Variants in OBSL1 observed in about 807,000 individuals in gnomAD.
OBSL1 encodes obscurin like cytoskeletal adaptor 1, also known as obscurin-like protein 1.
In OBSL1, 160 loss-of-function variants were observed where a neutral mutation model predicts 172.0. The ratio of observed to expected loss-of-function variants is 0.93; its 90% CI spans 0.82 to 1.06. The LOEUF is 1.06. OBSL1 is among the 50% of genes least tolerant of loss of function. The probability of loss-of-function intolerance (pLI) is 0.00; values close to 1 mark genes in which losing one functional copy is unlikely to be tolerated. For missense variants in OBSL1, 2,681 were observed against 2,715.4 expected, an observed-to-expected ratio of 0.99 and a Z score of 0.28; for synonymous variants, 1,200 against 1,196.3, an observed-to-expected ratio of 1.00 and a Z score of -0.06.
At chr2:219,565,151 C>G in intron 6 of OBSL1, 91 bp downstream of exon 6, 3 of 1,372,154 alleles carry the variant, frequency 2.2e-6, no homozygotes, top group Non-Finnish European at 2.9e-6. Flanking sequence ...GTAAAGGACT[C>G]CCCCAAGTAG....
chr2:219,558,476 G>C lies in OBSL1; in HGVS notation c.3227-17C>G. On this transcript the variant is annotated splice_polypyrimidine_tract_variant and intron_variant, in intron 9 of 20. Coordinates refer to ENST00000404537, the MANE Select transcript of OBSL1 (RefSeq NM_015311.3). ...CTGGTGGGGCTGGTGGGTGGGCATGGAGAGGGGCACATAGGCTTGGCCAGC... is the reference window on the plus strand; with the variant it reads ...CTGGTGGGGCTGGTGGGTGGGCATGCAGAGGGGCACATAGGCTTGGCCAGC... 1 of 1,553,230 alleles carries C rather than the reference G, an allele frequency of 6.4e-7. No individual in the cohort carries two copies. The highest frequency in any genetic ancestry group is 8.7e-7 in the Non-Finnish European group (1 of 1,151,340).
Position 219,570,509 on chromosome 2 carries a change from C to CG in OBSL1, c.723dup (p.Ala242ArgfsTer12). ...CACTTGAGCGGCTCCACCACCGGCG[C>CG]GGGGGCCTCGTCGGGGTCCGCGGGC... is the stretch of plus-strand genomic sequence containing the variant. On this transcript the variant is annotated frameshift_variant, in exon 1 of 21. Coordinates refer to ENST00000404537, the MANE Select transcript of OBSL1 (RefSeq NM_015311.3). LOFTEE classifies it high-confidence loss of function. 1 of 1,610,728 alleles carries CG rather than the reference C, an allele frequency of 6.2e-7. No homozygotes were observed. Among genetic ancestry groups the CG allele is most frequent in the Non-Finnish European group, 8.5e-7 (1 of 1,178,876 alleles).
downstream of OBSL1, chr2:219,549,474 G>A (rs147534498): frequency 2.4e-5 from 32 of 1,327,856 alleles, 1 homozygote; most frequent in East Asian, 8.0e-4. Context: ...TCCATGAACT[G>A]TTTGTCCATG....
Position 219,571,462 on chromosome 2 carries a change from G to T in OBSL1, c.-230C>A, listed in dbSNP as rs1266261428. 6 of 303,318 alleles carry T rather than the reference G, an allele frequency of 2.0e-5. No homozygotes were observed. The highest frequency in any genetic ancestry group is 1.5e-4 in the South Asian group (1 of 6,742). 18.8% of individuals were successfully genotyped at this position (303,318 alleles called of 1,614,324 possible). A position where few individuals can be genotyped will look rare whatever the true frequency, so the allele number is the denominator to read the frequency against. ...TCCCGGGCCCGAAGCCTGGCGCTCA[G>T]GGGGCAGTCCTTCCTGTTTGCCTCT... On this transcript the variant is annotated 5_prime_UTR_variant, in exon 1 of 21. In the 5' UTR this introduces an upstream ATG that the reference lacks. Coordinates refer to ENST00000404537, the MANE Select transcript of OBSL1 (RefSeq NM_015311.3).
chr2:219,548,121 G>A (rs750724556), downstream of OBSL1: 19 of 1,470,450 alleles, frequency 1.3e-5, no homozygotes, highest in Middle Eastern at 4.8e-4. Context: ...AGAGGAGTGG[G>A]TGGCCAGGGA....
chr2:219,555,612 G>A, intron 14 of OBSL1: 1 of 1,015,158 alleles, frequency 9.9e-7, no homozygotes, highest in Non-Finnish European at 1.2e-6. Flanking sequence ...TTGGCTCAAA[G>A]AGGTTAACTT....
At position 219,567,047 on chromosome 2, in the gene OBSL1, G is replaced by C. The variant is rs369959098; in HGVS notation, c.1917C>G (p.Leu639=). ...DGEDAVFSLD[L]STIIQGTWFL... The stretch of plus-strand genomic sequence containing the variant: ...ACCAGGTACCCTGGATGATGGTGGA[G>C]AGATCGAGGGAGAAGACGGCATCTT... Residue 639 remains leucine (L), a synonymous_variant, in exon 5 of 21, where the codon CTC becomes CTG. Transcript: ENST00000404537. 2.5e-6 allele frequency: 4 copies of C among 1,613,280 alleles called. No homozygotes were observed. The highest frequency in any genetic ancestry group is 3.4e-6 in the Non-Finnish European group (4 of 1,179,808).
chr2:219,550,429 T>G (rs926470993), downstream of OBSL1: 2 of 198,748 alleles, frequency 1.0e-5, no homozygotes, highest in Non-Finnish European at 2.0e-5. Flanking sequence ...GGTGGGGGGG[T>G]GCTGCTCTGG....
downstream of OBSL1, chr2:219,549,694 C>A: frequency 6.2e-7 from 1 of 1,611,692 alleles, no homozygotes; most frequent in South Asian, 1.1e-5. Context: ...GTGGGACTCA[C>A]ACCTATGTTT....
At position 219,568,259 on chromosome 2, in the gene OBSL1, GCACGGCAATCCCGTGCT is replaced by G. The variant is rs1202377102; in HGVS notation, c.1061_1077del (p.Glu354AlafsTer4). 1.9e-6 allele frequency: 3 copies of G among 1,612,352 alleles called. No homozygotes were observed. The highest frequency in any genetic ancestry group is 1.7e-5 in the Admixed American group (1 of 59,838). On this transcript the variant is annotated frameshift_variant, in exon 2 of 21. Coordinates refer to ENST00000404537, the MANE Select transcript of OBSL1 (RefSeq NM_015311.3). LOFTEE classifies it high-confidence loss of function. The surrounding 1 kb of genome is among the most constrained non-coding windows in gnomAD (Gnocchi z 4.1). The stretch of plus-strand genomic sequence containing the variant: ...CGGGAGTTGGGTACTTTACATTCCA[GCACGGCAATCCCGTGCT>G]CACGGCCCTCCACGTCCTGCAGGGG...
intron 11 of OBSL1, 39 bp downstream of exon 11, chr2:219,557,766 GGGTGCCACTCTCAGGCTT>G (rs1374649212): frequency 1.6e-5 from 25 of 1,558,740 alleles, no homozygotes; most frequent in African/African-American, 4.1e-5. Flanking sequence ...GCAGAGTTTG[GGGTGCCACTCTCAGGCTT>G]GGTGCCACTC....
At position 219,552,696 on chromosome 2, in the gene OBSL1, C is replaced by A. The variant is rs895515124; in HGVS notation, c.5148G>T (p.Glu1716Asp). Reference sequence around the variant, plus strand: ...GCTCGGAGAGTACCGCCACAGTACGCTCTGGGGCGGAGCCCGGGGCGTGAG... The same window carrying A: ...GCTCGGAGAGTACCGCCACAGTACGATCTGGGGCGGAGCCCGGGGCGTGAG... The part of the protein sequence containing the change: ...RAGPVRLTVR[E>D]RTVAVLSELR... Residue 1716 changes from glutamate to aspartate, a missense_variant and splice_region_variant, in exon 18 of 21, where the codon GAG becomes GAT. Around this residue, in one of 5 missense-constraint regions of OBSL1, gnomAD observed 1,765 missense variants for 1,748.3 expected, o/e 1.01. Coordinates refer to ENST00000404537, the MANE Select transcript of OBSL1 (RefSeq NM_015311.3). 6.6e-7 allele frequency: 1 copy of A among 1,522,614 alleles called. No individual in the cohort carries two copies. The allele number at this position is 1,522,614 out of a possible 1,614,324, so 94.3% of individuals were successfully genotyped here.
In OBSL1 at chr2:219,551,555, C is replaced by T. The variant is rs886055656; in HGVS notation, c.5657G>A (p.Ser1886Asn). 4 of 1,599,072 alleles carry T rather than the reference C, an allele frequency of 2.5e-6. No homozygotes were observed. Among genetic ancestry groups the T allele is most frequent in the Non-Finnish European group, 3.4e-6 (4 of 1,173,080 alleles). ...GTYCCQAGQD[S>N]THTRLLVEGN ...CTCTACCAGCAGCCGTGTGTGGGTGCTGTCCTGGCCGGCCTGGCAGCAGTA... is the reference window on the plus strand; with the variant it reads ...CTCTACCAGCAGCCGTGTGTGGGTGTTGTCCTGGCCGGCCTGGCAGCAGTA... The change falls in exon 20 of 21, where the codon AGC (serine) becomes AAC (asparagine). Residue 1886 changes from serine (S) to asparagine (N), a missense_variant. Physicochemically the swap from Ser to Asn is conservative, Grantham distance 46 (BLOSUM62 1). Around this residue, in one of 5 missense-constraint regions of OBSL1, gnomAD observed 1,765 missense variants for 1,748.3 expected, o/e 1.01. Coordinates refer to ENST00000404537, the MANE Select transcript of OBSL1 (RefSeq NM_015311.3).
chr2:219,556,101 G>C lies in OBSL1; in HGVS notation c.4528C>G (p.His1510Asp). 4 of 1,613,974 alleles carry C rather than the reference G, an allele frequency of 2.5e-6. No homozygotes were observed. Among genetic ancestry groups the C allele is most frequent in the Non-Finnish European group, 3.4e-6 (4 of 1,179,908 alleles). ...CCCTGGTCGGCCAGTATGACACCAT[G>C]GATGAAGAGGCGGTGGATGTGCCCA... ...QDGHIHRLFI[H>D]GVILADQGTY... The change falls in exon 14 of 21, where the codon CAT (histidine) becomes GAT (aspartate). Residue 1510 changes from histidine to aspartate, a missense_variant. This residue lies in a region of OBSL1 where 1,765 missense variants were observed against 1,748.3 expected (regional missense o/e 1.01). Transcript: ENST00000404537.
rs774207198 is a variant in OBSL1, at chr2:219,558,224, C to G, written c.3462G>C (p.Glu1154Asp). The stretch of plus-strand genomic sequence containing the variant: ...TGAAGGTGATGGCCTCATGCCGGGT[C>G]TCACACACATACTCCCCGGCGTCCT... ...QPEDAGEYVC[E>D]TRHEAITFNV... The change falls in exon 10 of 21, where the codon GAG becomes GAC. Residue 1154 changes from glutamate (E) to aspartate (D), a missense_variant. Around this residue, in one of 5 missense-constraint regions of OBSL1, gnomAD observed 1,765 missense variants for 1,748.3 expected, o/e 1.01. Transcript: ENST00000404537. 1 of 1,610,096 alleles carries G rather than the reference C, an allele frequency of 6.2e-7. No homozygotes were observed.
Position 219,566,946 on chromosome 2 carries a change from T to C in OBSL1, c.2018A>G (p.Glu673Gly). 1 of 1,613,790 alleles carries C rather than the reference T, an allele frequency of 6.2e-7. No individual in the cohort carries two copies. The highest frequency in any genetic ancestry group is 8.5e-7 in the Non-Finnish European group (1 of 1,179,862). ...VEPGALRYRI[E>G]QKGLQHRLIL... The stretch of plus-strand genomic sequence containing the variant: ...GAGTCTGTGCTGCAGACCCTTCTGC[T>C]CTATACGGTACCGCAGGGCCCCAGG... Residue 673 changes from glutamate to glycine, a missense_variant, in exon 5 of 21, where the codon GAG becomes GGG. Transcript: ENST00000404537.
downstream of OBSL1, chr2:219,547,453 C>A: frequency 7.3e-7 from 1 of 1,379,210 alleles, no homozygotes; most frequent in South Asian, 2.1e-5. Flanking sequence ...GACCTGCTCC[C>A]TCCAGCCTGG....
intron 7 of OBSL1, chr2:219,563,031 T>C: frequency 2.1e-6 from 1 of 469,184 alleles, no homozygotes; most frequent in East Asian, 3.3e-5. Flanking sequence ...AAGATGTTTT[T>C]GCCCCCCTAG....
Position 219,550,811 on chromosome 2 carries a change from C to G in OBSL1, c.*24G>C, listed in dbSNP as rs769422494. 1 of 1,610,144 alleles carries G rather than the reference C, an allele frequency of 6.2e-7. No homozygotes were observed. Among genetic ancestry groups the G allele is most frequent in the Admixed American group, 1.7e-5 (1 of 59,388 alleles). ...ACGCCTTCCAAGCTGTCCAAGGGCACCCGCCTGGCCTGGTTAGGTTCTCCT... is the reference window on the plus strand; with the variant it reads ...ACGCCTTCCAAGCTGTCCAAGGGCAGCCGCCTGGCCTGGTTAGGTTCTCCT... On this transcript the variant is annotated 3_prime_UTR_variant, in exon 21 of 21. Transcript: ENST00000404537.
Sources: allele counts gnomAD v4.1 joint callset, GRCh38; gene constraint gnomAD v4.1.1; regional missense constraint gnomAD v4.1.1; non-coding constraint Gnocchi (gnomAD v3.1); transcripts MANE v1.5; gene names NCBI Gene and HGNC (gene_info 2026-07-23, HGNC 2026-07-21).